PPARGC1B: variants seen among roughly 807,000 people sequenced by gnomAD.
PPARGC1B encodes the protein peroxisome proliferator-activated receptor gamma coactivator 1-beta.
Under a neutral mutation model 101.6 loss-of-function variants are expected in PPARGC1B, and 34 were observed. The ratio of observed to expected loss-of-function variants is 0.33; its 90% confidence interval spans 0.25 to 0.45. PPARGC1B has a LOEUF of 0.45. PPARGC1B is among the 20% of genes least tolerant of loss of function. The pLI, the probability that PPARGC1B is intolerant of heterozygous loss-of-function variation, is 1.00. For synonymous variants in PPARGC1B, 548 were observed against 539.3 expected (o/e 1.02, Z -0.22); for missense variants, 1,234 against 1,317.6 (o/e 0.94, Z 0.98).
At chr5:149,814,950 C>T (rs990259987) in intron 1 of PPARGC1B, among the ~76,000 whole-genome samples, 3 of 152,250 alleles carry the variant, frequency 2.0e-5, no homozygotes, top group Non-Finnish European at 2.9e-5. Context: ...TGTTTGGTCC[C>T]AGGTCTGTCC....
At chr5:149,752,346 C>G (rs1244187853) in intron 1 of PPARGC1B, among the ~76,000 whole-genome samples, 6 of 152,208 alleles carry the variant, frequency 3.9e-5, no homozygotes, top group African/African-American at 1.4e-4. Context: ...GTGATTCAGA[C>G]TGCAGTCGGA....
At position 149,730,329 on chromosome 5, in the gene PPARGC1B, G is replaced by C. The variant is rs1222035246; in HGVS notation, c.-14G>C. 1.3e-6 allele frequency: 2 copies of C among 1,550,552 alleles called. No individual in the cohort carries two copies. The highest frequency in any genetic ancestry group is 1.7e-6 in the Non-Finnish European group (2 of 1,150,684). ...GGCGTTGACTCCGCCGCACGCTGCA[G>C]CCGCGGCTGGAAGATGGCGGGGAAC... On this transcript the variant is annotated 5_prime_UTR_variant, in exon 1 of 12. Transcript: ENST00000309241. The surrounding 1 kb of genome is among the most constrained non-coding windows in gnomAD (Gnocchi z 4.0).
intron 1 of PPARGC1B, among the ~76,000 whole-genome samples, chr5:149,748,610 G>A (rs1342524698): frequency 6.6e-6 from 1 of 152,184 alleles, no homozygotes; most frequent in Non-Finnish European, 1.5e-5. Context: ...AACTTTTGCA[G>A]CAGAAAGGGT....
intron 1 of PPARGC1B, among the ~76,000 whole-genome samples, chr5:149,747,668 C>G (rs559156274): frequency 6.6e-6 from 1 of 152,322 alleles, no homozygotes; most frequent in East Asian, 1.9e-4. Context: ...CGCCTGGGGC[C>G]TCCAGCCTAC....
chr5:149,847,131 T>A, intron 11 of PPARGC1B: 1 of 446,852 alleles, frequency 2.2e-6, no homozygotes. Flanking sequence ...TATGTGGCAC[T>A]GCAGCAGGTT....
intron 1 of PPARGC1B, among the ~76,000 whole-genome samples, chr5:149,737,686 T>A (rs1754773083): frequency 6.6e-6 from 1 of 152,170 alleles, no homozygotes; most frequent in Admixed American, 6.5e-5. Context: ...AGTGAGAAGA[T>A]ATGATGATTA....
At chr5:149,732,703 CA>C (rs776994783) in intron 1 of PPARGC1B, 8 of 432,290 alleles carry the variant, frequency 1.9e-5, no homozygotes, top group Non-Finnish European at 3.8e-5. Context: ...TCGGAGAGCC[CA>C]GCCGGAAGAG....
At chr5:149,774,156 G>C (rs778260523) in intron 1 of PPARGC1B, among the ~76,000 whole-genome samples, 3 of 152,212 alleles carry the variant, frequency 2.0e-5, no homozygotes, top group Non-Finnish European at 4.4e-5. Flanking sequence ...GGGCATCAGA[G>C]CCCCAGCGGA....
rs528149444 is a variant in PPARGC1B at position 149,732,812 on chromosome 5, G to A, written c.78+2392G>A. On this transcript the variant is annotated intron_variant, in intron 1 of 11. Coordinates refer to ENST00000309241, the MANE Select transcript of PPARGC1B (RefSeq NM_133263.4). ...GTATGGGACCATGCAGCCAGAGGGTGACAGAGCCACCCAGGGCTCCTGACT... is the reference window on the plus strand; with the variant it reads ...GTATGGGACCATGCAGCCAGAGGGTAACAGAGCCACCCAGGGCTCCTGACT... 3 of 477,848 alleles carry A rather than the reference G, an allele frequency of 6.3e-6. No individual in the cohort carries two copies. The East Asian group carries it at 2.0e-4, about 31-fold the overall frequency. 29.6% of individuals were successfully genotyped at this position (477,848 alleles called of 1,614,324 possible).
chr5:149,775,734 G>A, intron 1 of PPARGC1B, among the ~76,000 whole-genome samples: 1 of 152,166 alleles, frequency 6.6e-6, no homozygotes, highest in East Asian at 1.9e-4. Context: ...CCTGTCCTAG[G>A]ATGGGAGCCA....
intron 1 of PPARGC1B, among the ~76,000 whole-genome samples, chr5:149,804,934 G>T (rs1186368048): frequency 1.3e-5 from 2 of 152,220 alleles, no homozygotes; most frequent in East Asian, 3.9e-4. Flanking sequence ...GGCCCCTGAG[G>T]ACTCCGGGTT....
At chr5:149,841,264 G>A (rs1444291756) in intron 9 of PPARGC1B, among the ~76,000 whole-genome samples, 1 of 152,172 alleles carries the variant, frequency 6.6e-6, no homozygotes, top group Non-Finnish European at 1.5e-5. Context: ...GAGCAACCAA[G>A]CGAAGACTCA....
rs201240428 is a variant in PPARGC1B, at chr5:149,830,832, C to T, written c.531C>T (p.Thr177=). ...TSSSDTQKEG[T]AWRQAGLRSK... ...GCTCTGACACCCAGAAGGAAGGGAC[C>T]GCCTGGCGCCAGGCAGGCCTCAGAT... Residue 177 remains threonine, a synonymous_variant, in exon 4 of 12, where the codon ACC becomes ACT. Coordinates refer to ENST00000309241, the MANE Select transcript of PPARGC1B (RefSeq NM_133263.4). 4.8e-5 allele frequency: 78 copies of T among 1,614,132 alleles called. No homozygotes were observed. In the Admixed American group the frequency reaches 8.7e-4, roughly 18 times the overall value.
At chr5:149,750,342 A>G (rs958249453) in intron 1 of PPARGC1B, among the ~76,000 whole-genome samples, 1 of 151,614 alleles carries the variant, frequency 6.6e-6, no homozygotes, top group Admixed American at 6.6e-5. Flanking sequence ...GACAGATGAT[A>G]TCTACAATAA....
Position 149,852,091 on chromosome 5 carries a change from A to G in PPARGC1B, c.*4533A>G, listed in dbSNP as rs61340409. On this transcript the variant is annotated 3_prime_UTR_variant, in exon 12 of 12. Transcript: ENST00000309241. The stretch of plus-strand genomic sequence containing the variant: ...AGCAGGAGAGCCAGTGCTGGGGCCA[A>G]CCCTTTGCTGGCCTTTTGTTGGAAG... 3,747 of 152,280 alleles carry G rather than the reference A, an allele frequency of 0.025. 63 individuals are homozygous for G. Among genetic ancestry groups the G allele is most frequent in the African/African-American group, 0.037 (1,549 of 41,538 alleles). 9.4% of individuals were successfully genotyped at this position (152,280 alleles called of 1,614,324 possible). A position where few individuals can be genotyped will look rare whatever the true frequency, so the allele number is the denominator to read the frequency against.
chr5:149,844,198 G>T (rs951493170), intron 10 of PPARGC1B, among the ~76,000 whole-genome samples: 1 of 152,172 alleles, frequency 6.6e-6, no homozygotes, highest in Non-Finnish European at 1.5e-5. Flanking sequence ...ACCATTTTAA[G>T]TTCTGTGCAG....
chr5:149,845,564 AT>A, intron 10 of PPARGC1B, 195 bp from the exon 11 acceptor site: 1 of 581,402 alleles, frequency 1.7e-6, no homozygotes, highest in Middle Eastern at 4.4e-4. Context: ...CCTGGCAGAC[AT>A]TCAACATATT....
chr5:149,753,456 C>T (rs1020136557), intron 1 of PPARGC1B, among the ~76,000 whole-genome samples: 2 of 152,146 alleles, frequency 1.3e-5, no homozygotes, highest in African/African-American at 2.4e-5. Context: ...GATCCTCCCA[C>T]CTCGGCCTCC....
chr5:149,753,974 G>A (rs752970611), intron 1 of PPARGC1B, among the ~76,000 whole-genome samples: 10 of 152,308 alleles, frequency 6.6e-5, no homozygotes, highest in Middle Eastern at 3.4e-3. Flanking sequence ...GATTACAGGC[G>A]TGAGCCACCG....
Sources: allele counts gnomAD v4.1 joint callset (sites outside exome capture counted in the v4.1 genomes callset), GRCh38; gene constraint gnomAD v4.1.1; non-coding constraint Gnocchi (gnomAD v3.1); transcripts MANE v1.5; gene names NCBI Gene and HGNC (gene_info 2026-07-23, HGNC 2026-07-21).